UBE3C: variants seen among roughly 807,000 people sequenced by gnomAD.
The protein encoded by UBE3C is ubiquitin protein ligase E3C, also known as ubiquitin-protein ligase E3C.
In UBE3C, 42 loss-of-function variants were observed where a neutral mutation model predicts 129.4. The ratio of observed to expected loss-of-function variants is 0.32; its 90% confidence interval spans 0.25 to 0.42. The LOEUF (loss-of-function observed/expected upper bound fraction) is 0.42, where lower values mean the gene tolerates loss of function less well. UBE3C is among the 10% of genes least tolerant of loss of function. The pLI is 1.00. For synonymous variants in UBE3C, 510 were observed against 492.4 expected, an observed-to-expected ratio of 1.04 and a Z score of -0.47; for missense variants, 1,049 against 1,319.1, an observed-to-expected ratio of 0.80 and a Z score of 3.17.
intron 6 of UBE3C, 41 bp from the exon 7 acceptor site, chr7:157,181,477 G>C: frequency 1.3e-6 from 2 of 1,533,866 alleles, no homozygotes; most frequent in Admixed American, 2.3e-5. Context: ...CCTTATTACA[G>C]GAAAAGGCAC....
At chr7:157,179,775 C>T (rs1179789039) in intron 6 of UBE3C, among the ~76,000 whole-genome samples, 2 of 152,186 alleles carry the variant, frequency 1.3e-5, no homozygotes, top group African/African-American at 2.4e-5. Flanking sequence ...CCACTTGGTC[C>T]TCTTGGTCCT....
intron 18 of UBE3C, chr7:157,231,668 C>T: frequency 3.5e-6 from 1 of 289,296 alleles, no homozygotes; most frequent in South Asian, 3.7e-5. Flanking sequence ...GGAGGGAGCC[C>T]CTAGCTTTGT....
intron 17 of UBE3C, 62 bp from the exon 18 acceptor site, chr7:157,231,018 A>G (rs1796009709): frequency 1.3e-6 from 2 of 1,591,172 alleles, no homozygotes; most frequent in East Asian, 2.2e-5. Flanking sequence ...CTGTAAGGCT[A>G]GTTGATGTTA....
At chr7:157,187,584 G>GT (rs11406459) in intron 10 of UBE3C, among the ~76,000 whole-genome samples, 17,882 of 142,334 alleles carry the variant, frequency 0.13, 1,309 homozygotes, top group African/African-American at 0.21. Context: ...TTTGTTTTTT[G>GT]TTTTTTTTTT....
intron 10 of UBE3C, among the ~76,000 whole-genome samples, chr7:157,187,354 T>G (rs1184893107): frequency 6.6e-6 from 1 of 151,736 alleles, no homozygotes; most frequent in Non-Finnish European, 1.5e-5. Flanking sequence ...TTTTTAGGCT[T>G]TTTTCATAGT....
chr7:157,225,827 T>C (rs1584801958), intron 17 of UBE3C, among the ~76,000 whole-genome samples: 1 of 152,194 alleles, frequency 6.6e-6, no homozygotes, highest in African/African-American at 2.4e-5. Flanking sequence ...AGCGTGCCCC[T>C]GTTGTCCCTG....
intron 14 of UBE3C, among the ~76,000 whole-genome samples, chr7:157,220,290 GTGTC>G (rs2116610286): frequency 6.6e-6 from 1 of 152,008 alleles, no homozygotes; most frequent in South Asian, 2.1e-4. Context: ...AAAATATACT[GTGTC>G]TGTTTTATTT....
Position 157,254,231 on chromosome 7 carries a change from CT to C in UBE3C, c.2884-7del, listed in dbSNP as rs886531606. On this transcript the variant is annotated splice_polypyrimidine_tract_variant and intron_variant, in intron 20 of 22. Coordinates refer to ENST00000348165, the MANE Select transcript of UBE3C (RefSeq NM_014671.3). ...TTTACCTCAAATGTTATTATTTGAA[CT>C]TTTTTCCTTAGGTATTAATTTCTGG... The C allele has an allele frequency of 1.9e-6, 3 of 1,610,948 alleles. No homozygotes were observed. The highest frequency in any genetic ancestry group is 2.7e-5 in the African/African-American group (2 of 74,684).
At chr7:157,186,404 C>G (rs1808806613) in intron 9 of UBE3C, among the ~76,000 whole-genome samples, 1 of 144,704 alleles carries the variant, frequency 6.9e-6, no homozygotes, top group African/African-American at 2.5e-5. Context: ...GGTGACAGAG[C>G]AAGACTGTCT....
intron 1 of UBE3C, among the ~76,000 whole-genome samples, chr7:157,141,998 G>T (rs917901833): frequency 6.6e-6 from 1 of 152,184 alleles, no homozygotes; most frequent in East Asian, 1.9e-4. Context: ...CAGTTTCCCC[G>T]TGTCGCACGC....
At chr7:157,183,556 C>T in intron 8 of UBE3C, among the ~76,000 whole-genome samples, 1 of 152,144 alleles carries the variant, frequency 6.6e-6, no homozygotes, top group East Asian at 1.9e-4. Context: ...ACCCTCTGAT[C>T]ACTTGGTTTT....
At chr7:157,241,809 C>G (rs1486264383) in intron 18 of UBE3C, among the ~76,000 whole-genome samples, 1 of 152,210 alleles carries the variant, frequency 6.6e-6, no homozygotes, top group Admixed American at 6.5e-5. Flanking sequence ...TTCATCCATA[C>G]AGTGGACTAT....
intron 14 of UBE3C, among the ~76,000 whole-genome samples, chr7:157,220,347 A>G (rs1391838452): frequency 6.6e-6 from 1 of 152,196 alleles, no homozygotes. Flanking sequence ...TAGAAAGTGA[A>G]TTTTTGATAA....
intron 18 of UBE3C, among the ~76,000 whole-genome samples, chr7:157,238,887 T>C (rs1796221768): frequency 6.6e-6 from 1 of 152,140 alleles, no homozygotes; most frequent in Non-Finnish European, 1.5e-5. Context: ...GGATTTCAGG[T>C]GCCAAATAAA....
intron 19 of UBE3C, among the ~76,000 whole-genome samples, chr7:157,252,777 A>T (rs1165840123): frequency 6.6e-6 from 1 of 152,270 alleles, no homozygotes; most frequent in Non-Finnish European, 1.5e-5. Context: ...TGAAAAGAAA[A>T]GAATGGAAAG....
At chr7:157,220,900 A>C (rs1795720097) in intron 15 of UBE3C, 124 bp downstream of exon 15, 1 of 1,176,078 alleles carries the variant, frequency 8.5e-7, no homozygotes, top group South Asian at 1.6e-5. Flanking sequence ...AGCAGGAGCT[A>C]CCATGTAGAA....
chr7:157,204,418 A>AAAAAAAAAAAAT (rs1809376197), intron 11 of UBE3C, among the ~76,000 whole-genome samples: 1 of 150,430 alleles, frequency 6.6e-6, no homozygotes, highest in Non-Finnish European at 1.5e-5. Context: ...AAAAAAAAAA[A>AAAAAAAAAAAAT]TTTCAGCTTC....
intron 1 of UBE3C, among the ~76,000 whole-genome samples, chr7:157,154,880 A>G (rs1045466178): frequency 2.0e-5 from 3 of 152,228 alleles, no homozygotes; most frequent in Non-Finnish European, 4.4e-5. Context: ...AATGTAGGCT[A>G]TACTGAAATG....
chr7:157,248,238 T>A lies in UBE3C; in HGVS notation c.2482-130T>A, dbSNP rs1053033235. On this transcript the variant is annotated intron_variant, in intron 18 of 22. Coordinates refer to ENST00000348165, the MANE Select transcript of UBE3C (RefSeq NM_014671.3). Reference sequence around the variant, plus strand: ...CCTGCCCACTGAATATCAGCTTCCATCTTCGGTACTATGAGGAGAAAATAC... The same window carrying A: ...CCTGCCCACTGAATATCAGCTTCCAACTTCGGTACTATGAGGAGAAAATAC... The A allele has an allele frequency of 1.2e-5, 10 of 809,900 alleles. No homozygotes were observed. In the South Asian group the frequency reaches 1.8e-4, roughly 15 times the overall value. The allele number at this position is 809,900 out of a possible 1,614,324, so 50.2% of individuals were successfully genotyped here.
Sources: gnomAD v4.1 joint callset for allele counts (sites outside exome capture counted in the v4.1 genomes callset) on GRCh38, gnomAD v4.1.1 for gene constraint, MANE v1.5 for transcripts, NCBI Gene and HGNC (gene_info 2026-07-23, HGNC 2026-07-21) for gene names.